SPIDR: variants seen among roughly 807,000 people sequenced by gnomAD.
SPIDR encodes DNA repair-scaffolding protein.
In SPIDR, 93 loss-of-function variants were observed where a neutral mutation model predicts 104.6. The ratio of observed to expected loss-of-function variants is 0.89; its 90% confidence interval spans 0.75 to 1.06. The LOEUF (loss-of-function observed/expected upper bound fraction) is 1.06. Among genes scored for constraint, SPIDR ranks in the 50% least tolerant of loss-of-function variants. The pLI is 0.00. For missense variants in SPIDR, 1,154 were observed against 1,111.2 expected (o/e 1.04, Z -0.55); for synonymous variants, 431 against 416.9 (o/e 1.03, Z -0.41).
intron 8 of SPIDR, among the ~76,000 whole-genome samples, chr8:47,526,843 G>A (rs1165330553): frequency 1.3e-5 from 2 of 152,138 alleles, no homozygotes. Context: ...CTTCATCAGA[G>A]AATTGTCACA....
intron 8 of SPIDR, among the ~76,000 whole-genome samples, chr8:47,455,244 G>A (rs1158595597): frequency 6.6e-6 from 1 of 152,076 alleles, no homozygotes; most frequent in South Asian, 2.1e-4. Flanking sequence ...AAGGGAGGGG[G>A]TAGAGATGTA....
intron 1 of SPIDR, among the ~76,000 whole-genome samples, chr8:47,275,721 G>T (rs1226062940): frequency 6.6e-6 from 1 of 152,174 alleles, no homozygotes; most frequent in Non-Finnish European, 1.5e-5. Flanking sequence ...GTTATGTCAC[G>T]TTGGTAGCTG....
chr8:47,274,599 A>G (rs2035994528), intron 1 of SPIDR, among the ~76,000 whole-genome samples: 1 of 148,588 alleles, frequency 6.7e-6, no homozygotes. Context: ...TTTTCCCGAG[A>G]TGGAGTCTCG....
chr8:47,303,518 A>C (rs1379452810), intron 5 of SPIDR, among the ~76,000 whole-genome samples: 1 of 151,930 alleles, frequency 6.6e-6, no homozygotes, highest in Non-Finnish European at 1.5e-5. Context: ...TGCAGAAATC[A>C]CCCGTCTTCT....
At chr8:47,579,794 G>A (rs150224317) in intron 8 of SPIDR, among the ~76,000 whole-genome samples, 5 of 152,136 alleles carry the variant, frequency 3.3e-5, no homozygotes, top group Non-Finnish European at 7.4e-5. Context: ...CAACTGCCCC[G>A]TCAGTTTGTG....
intron 5 of SPIDR, among the ~76,000 whole-genome samples, chr8:47,346,778 T>A (rs1448929387): frequency 1.3e-5 from 2 of 152,198 alleles, no homozygotes; most frequent in Non-Finnish European, 2.9e-5. Flanking sequence ...CTGATGGTAG[T>A]TTGTATTTCT....
chr8:47,660,523 G>T (rs2073935724), intron 10 of SPIDR: 1 of 985,274 alleles, frequency 1.0e-6, no homozygotes, highest in African/African-American at 1.7e-5. Flanking sequence ...AGGTGATTCT[G>T]CTGCTACCCT....
At chr8:47,539,981 C>G (rs2087782814) in intron 8 of SPIDR, among the ~76,000 whole-genome samples, 1 of 152,140 alleles carries the variant, frequency 6.6e-6, no homozygotes, top group Non-Finnish European at 1.5e-5. Flanking sequence ...CCCTGAGAGA[C>G]AGCAAATAAG....
chr8:47,559,372 C>T (rs969548766), intron 8 of SPIDR, among the ~76,000 whole-genome samples: 3 of 152,178 alleles, frequency 2.0e-5, no homozygotes, highest in Non-Finnish European at 2.9e-5. Context: ...TTACTGTCTT[C>T]CTTACATATG....
chr8:47,298,837 T>A (rs1351234792), intron 5 of SPIDR, among the ~76,000 whole-genome samples: 2 of 152,218 alleles, frequency 1.3e-5, no homozygotes, highest in African/African-American at 4.8e-5. Flanking sequence ...ACCAGTACCA[T>A]GGTGTTTTGG....
intron 11 of SPIDR, among the ~76,000 whole-genome samples, chr8:47,695,654 A>C (rs1443950816): frequency 2.0e-5 from 3 of 152,228 alleles, no homozygotes; most frequent in East Asian, 3.8e-4. Flanking sequence ...ATATCAGCTA[A>C]TGTTCCGGTG....
At chr8:47,716,801 T>C (rs528663240) in intron 16 of SPIDR, among the ~76,000 whole-genome samples, 8 of 152,204 alleles carry the variant, frequency 5.3e-5, no homozygotes, top group Admixed American at 6.5e-5. Context: ...ACAGAAGTGC[T>C]GGGAGCAGTT....
chr8:47,330,757 A>G (rs782210631), intron 5 of SPIDR: 10 of 456,182 alleles, frequency 2.2e-5, no homozygotes, highest in East Asian at 1.4e-4. Context: ...TCATCTACCA[A>G]GAGACATCTG....
At chr8:47,563,460 C>T (rs777619146) in intron 8 of SPIDR, among the ~76,000 whole-genome samples, 1 of 152,146 alleles carries the variant, frequency 6.6e-6, no homozygotes, top group Non-Finnish European at 1.5e-5. Context: ...AGGTGTGAGC[C>T]ATCGCACCTG....
In SPIDR at chr8:47,713,169, A is replaced by G. The variant is rs138965077; in HGVS notation, c.2188+297A>G. The G allele has an allele frequency of 7.2e-6, 5 of 698,322 alleles. No individual in the cohort carries two copies. In the Admixed American group the frequency reaches 9.4e-5, roughly 13 times the overall value. The allele number at this position is 698,322 out of a possible 1,614,324, so 43.3% of individuals were successfully genotyped here. A position where few individuals can be genotyped will look rare whatever the true frequency, so the allele number is the denominator to read the frequency against. On this transcript the variant is annotated intron_variant, in intron 15 of 19. Coordinates refer to ENST00000297423, the MANE Select transcript of SPIDR (RefSeq NM_001080394.4). ...AAGCTAGAATATTATAAATGCGTAT[A>G]CTTAGATCAGCCAGCCCCTTTTTCC...
intron 8 of SPIDR, among the ~76,000 whole-genome samples, chr8:47,458,654 G>A (rs2073426282): frequency 6.6e-6 from 1 of 151,818 alleles, no homozygotes. Flanking sequence ...GATGGCTCTG[G>A]CTAGGACTTC....
chr8:47,465,119 T>TA (rs1436730846), intron 8 of SPIDR, among the ~76,000 whole-genome samples: 2 of 152,154 alleles, frequency 1.3e-5, no homozygotes, highest in African/African-American at 2.4e-5. Context: ...CCAGCCAAAC[T>TA]AAGCCTCATA....
At position 47,291,040 on chromosome 8, in the gene SPIDR, C is replaced by T. The variant is rs1170416679; in HGVS notation, c.264C>T (p.Thr88=). ...TTTCTTTTCCTTCAACAGAAACCAC[C>T]ACATCTAAAAGCACCAGTGGGCTTA... The part of the protein sequence containing the change: ...ELCPRPKQET[T]TSKSTSGLTD... Residue 88 remains threonine, a synonymous_variant, in exon 4 of 20, where the codon ACC becomes ACT. Coordinates refer to ENST00000297423, the MANE Select transcript of SPIDR (RefSeq NM_001080394.4). 2.5e-6 allele frequency: 4 copies of T among 1,606,094 alleles called. No individual in the cohort carries two copies. Among genetic ancestry groups the T allele is most frequent in the Non-Finnish European group, 3.4e-6 (4 of 1,175,072 alleles).
At chr8:47,670,755 G>C (rs1413148480) in intron 10 of SPIDR, among the ~76,000 whole-genome samples, 1 of 151,338 alleles carries the variant, frequency 6.6e-6, no homozygotes, top group Non-Finnish European at 1.5e-5. Context: ...TCCATTTTCA[G>C]TTTTTCAGCT....
Sources: gnomAD v4.1 joint callset for allele counts (sites outside exome capture counted in the v4.1 genomes callset) on GRCh38, gnomAD v4.1.1 for gene constraint, MANE v1.5 for transcripts, NCBI Gene and HGNC (gene_info 2026-07-23, HGNC 2026-07-21) for gene names.